TPMT: variants seen among roughly 807,000 people sequenced by gnomAD.
The protein encoded by TPMT is S-adenosyl-L-methionine:thiopurine S-methyltransferase.
A neutral mutation model predicts 34.2 loss-of-function variants in TPMT; 18 were observed. The observed-to-expected ratio is 0.53, with a 90% CI of 0.36 to 0.78. The LOEUF is 0.78. TPMT is among the 30% of genes least tolerant of loss of function. The pLI is 0.00. For missense variants in TPMT, 265 were observed against 288.1 expected, an observed-to-expected ratio of 0.92 and a Z score of 0.58; for synonymous variants, 69 against 92.4, an observed-to-expected ratio of 0.75 and a Z score of 1.45.
chr6:18,133,862 C>T lies in TPMT; in HGVS notation c.522G>A (p.Leu174=). 6.2e-7 allele frequency: 1 copy of T among 1,613,256 alleles called. No individual in the cohort carries two copies. ...KCYADTMFSL[L]GKKFQYLLCV... is the part of the protein sequence containing the mutation. The stretch of plus-strand genomic sequence containing the variant: ...ACAGGAGATACTGAAACTTCTTTCC[C>T]AGGAGGGAAAACATTGTATCTGCAT... Residue 174 remains leucine, a synonymous_variant, in exon 7 of 9, where the codon CTG becomes CTA. Transcript: ENST00000309983.
In TPMT at chr6:18,138,116, G is replaced by T. The variant is rs976457437; in HGVS notation, c.494+847C>A. Among the ~76,000 whole-genome samples the T allele has an allele frequency of 6.6e-6, 1 of 152,144 alleles. No individual in the cohort carries two copies. The highest frequency in any genetic ancestry group is 1.5e-5 in the Non-Finnish European group (1 of 68,028). On this transcript the variant is annotated intron_variant, in intron 6 of 8. Transcript: ENST00000309983. This position sits in a 1 kb window ranked among gnomAD's most constrained non-coding sequence, Gnocchi z 4.1. ...CTTCAAAGCCAAACACTCTGGTTTT[G>T]AATCTCAACTCTGTCACATACCAGC...
Position 18,130,365 on chromosome 6 carries a change from A to T in TPMT, c.*303T>A. The T allele has an allele frequency of 3.8e-6, 1 of 266,108 alleles. No individual in the cohort carries two copies. Among genetic ancestry groups the T allele is most frequent in the Non-Finnish European group, 7.2e-6 (1 of 138,352 alleles). The allele number at this position is 266,108 out of a possible 1,614,324, so 16.5% of individuals were successfully genotyped here. The stretch of plus-strand genomic sequence containing the variant: ...GCATTGCATTTTGAAATATTTTTTT[A>T]ATTGTACAGGTAACACATGCTGATT... On this transcript the variant is annotated 3_prime_UTR_variant, in exon 9 of 9. Transcript: ENST00000309983. This position sits in a 1 kb window ranked among gnomAD's most constrained non-coding sequence, Gnocchi z 4.2.
rs1783959854 is a variant in TPMT, at chr6:18,132,251, T to C, written c.581-74A>G. On this transcript the variant is annotated intron_variant, in intron 7 of 8. Coordinates refer to ENST00000309983, the MANE Select transcript of TPMT (RefSeq NM_000367.5). The surrounding 1 kb of genome is among the most constrained non-coding windows in gnomAD (Gnocchi z 4.8). Reference sequence around the variant, plus strand: ...GTACTTGTTCTACATACAACTTCATTATCCAAATAGGTGATGATGTGGCAT... The same window carrying C: ...GTACTTGTTCTACATACAACTTCATCATCCAAATAGGTGATGATGTGGCAT... 1 of 1,379,094 alleles carries C rather than the reference T, an allele frequency of 7.3e-7. No homozygotes were observed. The allele number at this position is 1,379,094 out of a possible 1,614,324, so 85.4% of individuals were successfully genotyped here.
At chr6:18,141,283 G>C (rs1784133725) in intron 4 of TPMT, among the ~76,000 whole-genome samples, 1 of 151,984 alleles carries the variant, frequency 6.6e-6, no homozygotes, top group Non-Finnish European at 1.5e-5. Flanking sequence ...AGAATGAGGT[G>C]GGAGGAAGAT....
chr6:18,142,058 A>C (rs2518464), intron 4 of TPMT, among the ~76,000 whole-genome samples: 1 of 151,832 alleles, frequency 6.6e-6, no homozygotes, highest in South Asian at 2.1e-4. Context: ...ACACTTGATC[A>C]AACCAATCTG....
rs930861799 is a variant in TPMT at position 18,131,706 on chromosome 6, A to T, written c.625+427T>A. Reference sequence around the variant, plus strand: ...TTAGTTCCTTTTCTAAGATAAAACAACTTTCAATAAAATGGTCTTTATCTT... The same window carrying T: ...TTAGTTCCTTTTCTAAGATAAAACATCTTTCAATAAAATGGTCTTTATCTT... On this transcript the variant is annotated intron_variant, in intron 8 of 8. Coordinates refer to ENST00000309983, the MANE Select transcript of TPMT (RefSeq NM_000367.5). The surrounding 1 kb of genome is among the most constrained non-coding windows in gnomAD (Gnocchi z 4.3). Among the ~76,000 whole-genome samples, 1 of 152,126 alleles carries T rather than the reference A, an allele frequency of 6.6e-6. No homozygotes were observed. The highest frequency in any genetic ancestry group is 6.5e-5 in the Admixed American group (1 of 15,268).
At position 18,138,861 on chromosome 6, in the gene TPMT, AT is replaced by A; in HGVS notation, c.494+101del. 1.0e-6 allele frequency: 1 copy of A among 968,298 alleles called. No individual in the cohort carries two copies. The highest frequency in any genetic ancestry group is 2.2e-5 in the Admixed American group (1 of 45,686). The allele number at this position is 968,298 out of a possible 1,614,324, so 60.0% of individuals were successfully genotyped here. On this transcript the variant is annotated intron_variant, in intron 6 of 8. Transcript: ENST00000309983. This position sits in a 1 kb window ranked among gnomAD's most constrained non-coding sequence, Gnocchi z 4.1. ...TTATAAATTCCAAACATAATAACCT[AT>A]TTCAAACTCATAGAAGTCTAAGCTG...
chr6:18,136,067 G>T lies in TPMT; in HGVS notation c.495-2178C>A, dbSNP rs557951412. 3.3e-5 allele frequency among the ~76,000 whole-genome samples: 5 copies of T among 152,262 alleles called. No individual in the cohort carries two copies. Among genetic ancestry groups the T allele is most frequent in the African/African-American group, 1.2e-4 (5 of 41,560 alleles). On this transcript the variant is annotated intron_variant, in intron 6 of 8. Coordinates refer to ENST00000309983, the MANE Select transcript of TPMT (RefSeq NM_000367.5). This position sits in a 1 kb window ranked among gnomAD's most constrained non-coding sequence, Gnocchi z 4.7. ...CCACCTCAGCCTCCCAAAGTGCTGG[G>T]TCCGCTCTTGGTCTGCACGTGGTGA... is the stretch of plus-strand genomic sequence containing the variant.
At chr6:18,137,839 G>A (rs965828316) in intron 6 of TPMT, among the ~76,000 whole-genome samples, 3 of 152,220 alleles carry the variant, frequency 2.0e-5, no homozygotes, top group Non-Finnish European at 2.9e-5. Flanking sequence ...AGGCTGGAGT[G>A]CAATGGCGCC....
chr6:18,134,318 C>T (rs1021241520), intron 6 of TPMT, among the ~76,000 whole-genome samples: 13 of 152,180 alleles, frequency 8.5e-5, no homozygotes, highest in African/African-American at 2.9e-4. Context: ...CCCCACAGAC[C>T]GATGCAGTTA....
rs1333883486 is a variant in TPMT at position 18,154,709 on chromosome 6, G to A, written c.-45+324C>T. Reference sequence around the variant, plus strand: ...GATCACTTGAGCCCAGGAGTTCCAGGTTACAGTGAGCTATGATTGTGCCAC... The same window carrying A: ...GATCACTTGAGCCCAGGAGTTCCAGATTACAGTGAGCTATGATTGTGCCAC... On this transcript the variant is annotated intron_variant, in intron 1 of 8. Coordinates refer to ENST00000309983, the MANE Select transcript of TPMT (RefSeq NM_000367.5). The surrounding 1 kb of genome is among the most constrained non-coding windows in gnomAD (Gnocchi z 4.2). Among the ~76,000 whole-genome samples, 2 of 152,226 alleles carry A rather than the reference G, an allele frequency of 1.3e-5. 1 individual carries two copies. Among genetic ancestry groups the A allele is most frequent in the Middle Eastern group, 6.8e-3 (2 of 294 alleles).
rs1045567692 is a variant in TPMT at position 18,139,607 on chromosome 6, C to T, written c.419+58G>A. On this transcript the variant is annotated intron_variant, in intron 5 of 8. Coordinates refer to ENST00000309983, the MANE Select transcript of TPMT (RefSeq NM_000367.5). The surrounding 1 kb of genome is among the most constrained non-coding windows in gnomAD (Gnocchi z 4.2). ...GAGGAAGACACCTCCACTCCCATGC[C>T]TGCACTGCCTGGCAAGCATTCAAAT... 1.4e-6 allele frequency: 2 copies of T among 1,388,352 alleles called. No individual in the cohort carries two copies. Among genetic ancestry groups the T allele is most frequent in the Admixed American group, 1.7e-5 (1 of 59,506 alleles). The allele number at this position is 1,388,352 out of a possible 1,614,324, so 86.0% of individuals were successfully genotyped here.
chr6:18,131,378 AG>A lies in TPMT; in HGVS notation c.626-599del, dbSNP rs1783936659. Among the ~76,000 whole-genome samples, 1 of 152,060 alleles carries A rather than the reference AG, an allele frequency of 6.6e-6. No homozygotes were observed. The highest frequency in any genetic ancestry group is 1.9e-4 in the East Asian group (1 of 5,172). On this transcript the variant is annotated intron_variant, in intron 8 of 8. Transcript: ENST00000309983. This position sits in a 1 kb window ranked among gnomAD's most constrained non-coding sequence, Gnocchi z 4.3. ...AGGATCACTTGAGCCCAGGAGTTCG[AG>A]ACCAGCCTGGGCAATGTGGTTAAAC...
In TPMT at chr6:18,131,100, C is replaced by G. The variant is rs998844024; in HGVS notation, c.626-320G>C. ...TTGCAGTGAGCTGAGATTGCACCAT[C>G]GCGCTCTAGCCTAGGCAACAAGAGC... On this transcript the variant is annotated intron_variant, in intron 8 of 8. Coordinates refer to ENST00000309983, the MANE Select transcript of TPMT (RefSeq NM_000367.5). This position sits in a 1 kb window ranked among gnomAD's most constrained non-coding sequence, Gnocchi z 4.3. Among the ~76,000 whole-genome samples, 1 of 152,078 alleles carries G rather than the reference C, an allele frequency of 6.6e-6. No individual in the cohort carries two copies.
In TPMT at chr6:18,129,647, ATATTT is replaced by A. The variant is rs1320498355; in HGVS notation, c.*1016_*1020del. 7 of 152,256 alleles carry A rather than the reference ATATTT, an allele frequency of 4.6e-5. No individual in the cohort carries two copies. Among genetic ancestry groups the A allele is most frequent in the African/African-American group, 1.7e-4 (7 of 41,464 alleles). 9.4% of individuals were successfully genotyped at this position (152,256 alleles called of 1,614,324 possible). The stretch of plus-strand genomic sequence containing the variant: ...CCATGAATCCAGCTCTAAGTACATT[ATATTT>A]TATAAGACCTGATGATTTAAACAGA... On this transcript the variant is annotated 3_prime_UTR_variant, in exon 9 of 9. Coordinates refer to ENST00000309983, the MANE Select transcript of TPMT (RefSeq NM_000367.5).
In TPMT at chr6:18,146,062, C is replaced by T. The variant is rs1784240681; in HGVS notation, c.233+1761G>A. On this transcript the variant is annotated intron_variant, in intron 3 of 8. Coordinates refer to ENST00000309983, the MANE Select transcript of TPMT (RefSeq NM_000367.5). This position sits in a 1 kb window ranked among gnomAD's most constrained non-coding sequence, Gnocchi z 6.2. Reference sequence around the variant, plus strand: ...TCATGGTCAGTTTTTCTATTCACATCTCATGTCTGTATAGACCTCAATACA... The same window carrying T: ...TCATGGTCAGTTTTTCTATTCACATTTCATGTCTGTATAGACCTCAATACA... 6.6e-6 allele frequency among the ~76,000 whole-genome samples: 1 copy of T among 152,158 alleles called. No individual in the cohort carries two copies. The highest frequency in any genetic ancestry group is 2.1e-4 in the South Asian group (1 of 4,830).
rs1227612001 is a variant in TPMT, at chr6:18,143,079, C to T, written c.366+517G>A. Among the ~76,000 whole-genome samples, 1 of 152,142 alleles carries T rather than the reference C, an allele frequency of 6.6e-6. No homozygotes were observed. Among genetic ancestry groups the T allele is most frequent in the Admixed American group, 6.5e-5 (1 of 15,280 alleles). ...TCCAAGACCATGGACCCAGGCCCTG[C>T]CTGATTCCAGCTCTATCTGTCACCA... On this transcript the variant is annotated intron_variant, in intron 4 of 8. Coordinates refer to ENST00000309983, the MANE Select transcript of TPMT (RefSeq NM_000367.5). The surrounding 1 kb of genome is among the most constrained non-coding windows in gnomAD (Gnocchi z 6.1).
At position 18,138,260 on chromosome 6, in the gene TPMT, T is replaced by G. The variant is rs1336583336; in HGVS notation, c.494+703A>C. ...TAAACCACATGAAATATTTTGATTT[T>G]TTTGTTTTTTTTTTTTTTTAAATAT... On this transcript the variant is annotated intron_variant, in intron 6 of 8. Transcript: ENST00000309983. This position sits in a 1 kb window ranked among gnomAD's most constrained non-coding sequence, Gnocchi z 4.1. 3.9e-5 allele frequency among the ~76,000 whole-genome samples: 3 copies of G among 77,776 alleles called. No individual in the cohort carries two copies. The highest frequency in any genetic ancestry group is 7.9e-5 in the Non-Finnish European group (3 of 38,214). 51.0% of individuals were successfully genotyped at this position (77,776 alleles called of 152,430 possible). A position where few individuals can be genotyped will look rare whatever the true frequency, so the allele number is the denominator to read the frequency against.
rs1408113946 is a variant in TPMT, at chr6:18,139,002, C to G, written c.455G>C (p.Arg152Thr). 3.1e-6 allele frequency: 5 copies of G among 1,613,628 alleles called. No individual in the cohort carries two copies. In the East Asian group the frequency reaches 1.1e-4, roughly 36 times the overall value. The change falls in exon 6 of 9, where the codon AGA (arginine) becomes ACA (threonine). Residue 152 changes from arginine to threonine, a missense_variant. Coordinates refer to ENST00000309983, the MANE Select transcript of TPMT (RefSeq NM_000367.5). The surrounding 1 kb of genome is among the most constrained non-coding windows in gnomAD (Gnocchi z 4.2). Reference sequence around the variant, plus strand: ...TGGATTGATGGCAACTAATGCTCCTCTATCCCAAATCATGTCAAATTTGCC... The same window carrying G: ...TGGATTGATGGCAACTAATGCTCCTGTATCCCAAATCATGTCAAATTTGCC... ...NIGKFDMIWD[R>T]GALVAINPGD...
Sources: gnomAD v4.1 joint callset for allele counts (sites outside exome capture counted in the v4.1 genomes callset) on GRCh38, gnomAD v4.1.1 for gene constraint, Gnocchi (gnomAD v3.1) non-coding constraint, MANE v1.5 for transcripts, NCBI Gene and HGNC (gene_info 2026-07-23, HGNC 2026-07-21) for gene names.